LRP1B: variants seen among roughly 807,000 people sequenced by gnomAD.
LRP1B encodes the protein low-density lipoprotein receptor-related protein 1B.
In LRP1B, 217 loss-of-function variants were observed where a neutral mutation model predicts 556.6. That is an observed-to-expected ratio of 0.39 (90% CI 0.35 to 0.44). The LOEUF is 0.44. Ranked by LOEUF, LRP1B falls within the 20% of genes least tolerant of loss-of-function variation. The pLI is 1.00. For synonymous variants in LRP1B, 2,047 were observed against 1,865.8 expected (o/e 1.10, Z -2.50); for missense variants, 5,053 against 5,620.8 (o/e 0.90, Z 3.23).
chr2:140,714,897 T>C (rs542507891), intron 37 of LRP1B, among the ~76,000 whole-genome samples: 2 of 152,178 alleles, frequency 1.3e-5, no homozygotes, highest in South Asian at 4.1e-4. Flanking sequence ...CAATAAATAT[T>C]AGTACAAATA....
chr2:141,861,811 T>G (rs577336472), intron 1 of LRP1B, among the ~76,000 whole-genome samples: 10 of 152,010 alleles, frequency 6.6e-5, no homozygotes, highest in African/African-American at 1.9e-4. Context: ...GTGCCTATAG[T>G]CCCAGTCACG....
intron 2 of LRP1B, among the ~76,000 whole-genome samples, chr2:141,657,997 C>T (rs1249592174): frequency 6.6e-6 from 1 of 152,142 alleles, no homozygotes; most frequent in Admixed American, 6.5e-5. Context: ...GCCTTAAATA[C>T]AGTACCACAA....
At chr2:141,256,032 G>A (rs1354351677) in intron 3 of LRP1B, among the ~76,000 whole-genome samples, 1 of 151,894 alleles carries the variant, frequency 6.6e-6, no homozygotes, top group Non-Finnish European at 1.5e-5. Context: ...TATGAGTGTG[G>A]AAGTGAGTGG....
At chr2:140,775,949 C>A (rs1029591388) in intron 33 of LRP1B, 149 bp downstream of exon 33, 2 of 607,022 alleles carry the variant, frequency 3.3e-6, no homozygotes. Context: ...AAAGACATTT[C>A]TCCTACAGTA....
At chr2:140,988,181 T>C (rs1017372130) in intron 17 of LRP1B, among the ~76,000 whole-genome samples, 4 of 152,030 alleles carry the variant, frequency 2.6e-5, no homozygotes, top group African/African-American at 4.8e-5. Flanking sequence ...CTTTTACCAA[T>C]GATGTTAAGT....
intron 1 of LRP1B, among the ~76,000 whole-genome samples, chr2:142,014,704 C>CA (rs1376913685): frequency 6.6e-6 from 1 of 152,118 alleles, no homozygotes. Context: ...AAATAACTGA[C>CA]AGAGTTATTG....
At chr2:142,105,354 A>C (rs1487552253) in intron 1 of LRP1B, among the ~76,000 whole-genome samples, 1 of 152,312 alleles carries the variant, frequency 6.6e-6, no homozygotes, top group South Asian at 2.1e-4. Context: ...AATTGTATAC[A>C]TATCTACCTC....
intron 3 of LRP1B, among the ~76,000 whole-genome samples, chr2:141,432,961 G>A (rs1420604054): frequency 6.6e-6 from 1 of 151,668 alleles, no homozygotes; most frequent in Non-Finnish European, 1.5e-5. Context: ...CCATTTTCTG[G>A]TGTCTTTAGG....
intron 2 of LRP1B, among the ~76,000 whole-genome samples, chr2:141,785,883 G>A (rs1046878536): frequency 2.6e-5 from 4 of 151,676 alleles, no homozygotes; most frequent in Non-Finnish European, 5.9e-5. Context: ...CAAGGAGAAA[G>A]AAAGAACAGA....
chr2:140,979,480 A>G (rs1338876645), intron 18 of LRP1B, among the ~76,000 whole-genome samples: 3 of 152,184 alleles, frequency 2.0e-5, no homozygotes, highest in East Asian at 3.9e-4. Flanking sequence ...CTGTATCTGA[A>G]TAGTGGAAAT....
chr2:140,946,747 C>T (rs1173900563), intron 20 of LRP1B, among the ~76,000 whole-genome samples: 1 of 152,184 alleles, frequency 6.6e-6, no homozygotes, highest in Non-Finnish European at 1.5e-5. Flanking sequence ...CACTGCACTA[C>T]TCACAGTGGC....
chr2:140,950,910 A>C (rs1695695722), intron 19 of LRP1B, among the ~76,000 whole-genome samples: 1 of 151,672 alleles, frequency 6.6e-6, no homozygotes, highest in Non-Finnish European at 1.5e-5. Context: ...TTTCATCTTC[A>C]TATTGCTTCT....
At chr2:140,840,842 G>T (rs2105096726) in intron 30 of LRP1B, 76 bp downstream of exon 30, 1 of 1,125,708 alleles carries the variant, frequency 8.9e-7, no homozygotes, top group South Asian at 1.7e-5. Flanking sequence ...TCTGAATTAA[G>T]CAATGTTTTT....
rs979423516 is a variant in LRP1B at position 140,254,080 on chromosome 2, A to T, written c.13248-6918T>A. Among the ~76,000 whole-genome samples the T allele has an allele frequency of 5.3e-5, 8 of 152,306 alleles. No homozygotes were observed. The East Asian group carries it at 1.5e-3, about 29-fold the overall frequency. ...TAAACAATAAAGATTTCTTCTACAA[A>T]AACCCAACAAAGGCCCTTCCTATTT... On this transcript the variant is annotated intron_variant, in intron 86 of 90. Transcript: ENST00000389484.
At chr2:140,325,456 C>T (rs893746414) in intron 80 of LRP1B, among the ~76,000 whole-genome samples, 1 of 152,088 alleles carries the variant, frequency 6.6e-6, no homozygotes, top group East Asian at 1.9e-4. Flanking sequence ...AGGTGCTGAT[C>T]TTGACTACTG....
chr2:141,295,859 T>G (rs1378139235), intron 3 of LRP1B, among the ~76,000 whole-genome samples: 1 of 151,716 alleles, frequency 6.6e-6, no homozygotes, highest in African/African-American at 2.4e-5. Context: ...TCAGAAGACC[T>G]CTTTCAAAGT....
intron 3 of LRP1B, among the ~76,000 whole-genome samples, chr2:141,384,820 C>A (rs1251965742): frequency 6.6e-6 from 1 of 152,192 alleles, no homozygotes; most frequent in Non-Finnish European, 1.5e-5. Context: ...GAAACCACCA[C>A]TGCTATGTAT....
At chr2:141,523,935 C>T (rs371083545) in intron 2 of LRP1B, among the ~76,000 whole-genome samples, 13 of 152,134 alleles carry the variant, frequency 8.5e-5, no homozygotes, top group East Asian at 7.7e-4. Context: ...CAATGATTGT[C>T]ACTTGTAATT....
chr2:140,335,849 A>G lies in LRP1B; in HGVS notation c.11893-11T>C, dbSNP rs2105087381. ...TTTAAATTCAGGACACTACAAGGAA[A>G]CAAAACAACACACCACGGTATTTTC... On this transcript the variant is annotated splice_polypyrimidine_tract_variant and intron_variant, in intron 77 of 90. Coordinates refer to ENST00000389484, the MANE Select transcript of LRP1B (RefSeq NM_018557.3). 6.7e-7 allele frequency: 1 copy of G among 1,495,290 alleles called. No homozygotes were observed. The highest frequency in any genetic ancestry group is 9.3e-7 in the Non-Finnish European group (1 of 1,073,662). 92.6% of individuals were successfully genotyped at this position (1,495,290 alleles called of 1,614,324 possible).
Sources: allele counts gnomAD v4.1 joint callset (sites outside exome capture counted in the v4.1 genomes callset), GRCh38; gene constraint gnomAD v4.1.1; transcripts MANE v1.5; gene names NCBI Gene and HGNC (gene_info 2026-07-23, HGNC 2026-07-21).